DGKB: variants seen among roughly 807,000 people sequenced by gnomAD.
The protein encoded by DGKB is 90 kDa diacylglycerol kinase.
DGKB carries 67 observed loss-of-function variants against 114.3 expected under a neutral mutation model. That is an observed-to-expected ratio of 0.59 (90% CI 0.48 to 0.72). The LOEUF (loss-of-function observed/expected upper bound fraction) is 0.72, where lower values mean the gene tolerates loss of function less well. DGKB is among the 30% of genes least tolerant of loss of function. The pLI, the probability that DGKB is intolerant of heterozygous loss-of-function variation, is 0.00. For synonymous variants in DGKB, 398 were observed against 323.1 expected (o/e 1.23, Z -2.49); for missense variants, 907 against 975.2 (o/e 0.93, Z 0.93).
intron 2 of DGKB, among the ~76,000 whole-genome samples, chr7:14,826,811 A>G (rs1006065722): frequency 6.6e-6 from 1 of 152,180 alleles, no homozygotes; most frequent in Admixed American, 6.6e-5. Context: ...AATGTGACCT[A>G]TAATAATAAG....
At chr7:14,233,961 A>G (rs1469790241) in intron 23 of DGKB, among the ~76,000 whole-genome samples, 2 of 152,080 alleles carry the variant, frequency 1.3e-5, no homozygotes, top group East Asian at 3.9e-4. Flanking sequence ...CCTAAAGCTC[A>G]GAGTGAGAAG....
rs147889654 is a variant in DGKB, at chr7:14,767,820, C to T, written c.71-10089G>A. On this transcript the variant is annotated intron_variant, in intron 2 of 25. Transcript: ENST00000402815. ...TGTACATTAAAAATATTTAAACCCA[C>T]GCTAGTTCAGAAGATGACAACTTCA... 6.5e-4 allele frequency among the ~76,000 whole-genome samples: 99 copies of T among 151,980 alleles called. No individual in the cohort carries two copies. The South Asian group carries it at 8.5e-3, about 13-fold the overall frequency.
At position 14,397,517 on chromosome 7, in the gene DGKB, A is replaced by T. The variant is rs186844264; in HGVS notation, c.1836-52126T>A. Among the ~76,000 whole-genome samples, 6 of 152,152 alleles carry T rather than the reference A, an allele frequency of 3.9e-5. No homozygotes were observed. In the East Asian group the frequency reaches 1.2e-3, roughly 30 times the overall value. On this transcript the variant is annotated intron_variant, in intron 21 of 25. Transcript: ENST00000402815. ...AAAGATCACCTCTCTGAGAGTCTAG[A>T]ACTGCTGTGTCCTTCTAGTCAAAAA...
At chr7:14,255,891 A>C (rs1057350913) in intron 23 of DGKB, among the ~76,000 whole-genome samples, 2 of 152,218 alleles carry the variant, frequency 1.3e-5, no homozygotes, top group African/African-American at 4.8e-5. Flanking sequence ...CTGTCGCAGC[A>C]AAGATCACTG....
intron 23 of DGKB, among the ~76,000 whole-genome samples, chr7:14,321,866 T>G (rs1394649493): frequency 6.6e-6 from 1 of 152,066 alleles, no homozygotes; most frequent in Non-Finnish European, 1.5e-5. Context: ...TATAAACCAT[T>G]ATAAGAAACT....
chr7:14,762,128 G>A (rs1476146309), intron 2 of DGKB, among the ~76,000 whole-genome samples: 1 of 152,166 alleles, frequency 6.6e-6, no homozygotes, highest in Non-Finnish European at 1.5e-5. Flanking sequence ...ACAATGGGCT[G>A]TCTTTTTCAT....
chr7:14,300,306 T>G, intron 23 of DGKB, among the ~76,000 whole-genome samples: 1 of 152,098 alleles, frequency 6.6e-6, no homozygotes, highest in East Asian at 1.9e-4. Context: ...TCTGACTTTG[T>G]TTTTGTAGGG....
chr7:14,341,945 T>A (rs1291996085), intron 22 of DGKB, among the ~76,000 whole-genome samples: 1 of 151,822 alleles, frequency 6.6e-6, no homozygotes, highest in Non-Finnish European at 1.5e-5. Context: ...TATGTCTATA[T>A]CAGATAAGAA....
chr7:14,878,861 G>T (rs1421483902), intron 1 of DGKB, among the ~76,000 whole-genome samples: 4 of 148,016 alleles, frequency 2.7e-5, no homozygotes, highest in African/African-American at 1.0e-4. Context: ...TCCTTCTATT[G>T]AATCCATTGC....
rs969773431 is a variant in DGKB at position 14,304,639 on chromosome 7, T to C, written c.2122+33876A>G. 8.5e-5 allele frequency among the ~76,000 whole-genome samples: 13 copies of C among 152,174 alleles called. 1 individual carries two copies. Among genetic ancestry groups the C allele is most frequent in the Admixed American group, 1.3e-4 (2 of 15,246 alleles). On this transcript the variant is annotated intron_variant, in intron 23 of 25. Transcript: ENST00000402815. ...TGGTAGGTAAGCATTGCCGATTTAG[T>C]GTCCAGTAGCATGTTTACAGTTCAT...
At chr7:14,634,959 G>A (rs1047524449) in intron 13 of DGKB, among the ~76,000 whole-genome samples, 24 of 151,352 alleles carry the variant, frequency 1.6e-4, no homozygotes, top group Non-Finnish European at 3.0e-4. Context: ...TTTAGTAAGA[G>A]ATTATTTCAG....
chr7:14,472,309 C>A (rs1180891598), intron 21 of DGKB, among the ~76,000 whole-genome samples: 1 of 152,134 alleles, frequency 6.6e-6, no homozygotes. Flanking sequence ...ATAAGCCTCA[C>A]AAGATCGGAT....
intron 1 of DGKB, among the ~76,000 whole-genome samples, chr7:14,922,512 A>G (rs186705722): frequency 7.9e-5 from 12 of 151,800 alleles, no homozygotes; most frequent in Admixed American, 1.3e-4. Context: ...GATGGTGGGT[A>G]TGGAGATTGA....
chr7:14,704,380 G>A (rs1182803665), intron 6 of DGKB, among the ~76,000 whole-genome samples: 5 of 149,640 alleles, frequency 3.3e-5, no homozygotes, highest in African/African-American at 9.9e-5. Context: ...CCAGGGAGGC[G>A]GAGCTTGCAG....
chr7:14,300,027 A>T (rs139248686), intron 23 of DGKB, among the ~76,000 whole-genome samples: 2 of 152,112 alleles, frequency 1.3e-5, no homozygotes, highest in African/African-American at 2.4e-5. Context: ...TATAGCAACT[A>T]CTTCCAGACA....
chr7:14,270,073 AAAGAG>A (rs1328408454), intron 23 of DGKB, among the ~76,000 whole-genome samples: 12 of 149,212 alleles, frequency 8.0e-5, no homozygotes, highest in Non-Finnish European at 1.5e-4. Context: ...AAAAAAAAAA[AAAGAG>A]AGAGATTCCT....
intron 21 of DGKB, among the ~76,000 whole-genome samples, chr7:14,426,206 G>A (rs1338382649): frequency 1.3e-5 from 2 of 152,184 alleles, no homozygotes; most frequent in Non-Finnish European, 2.9e-5. Context: ...AGGCCTGGAA[G>A]ACAGTGGCTC....
intron 1 of DGKB, among the ~76,000 whole-genome samples, chr7:14,959,162 G>T (rs1786692122): frequency 6.7e-6 from 1 of 148,506 alleles, no homozygotes; most frequent in African/African-American, 2.4e-5. Flanking sequence ...TTTACCATTT[G>T]TTCAGTTATT....
At chr7:14,715,576 G>A (rs1250689640) in intron 6 of DGKB, among the ~76,000 whole-genome samples, 1 of 152,060 alleles carries the variant, frequency 6.6e-6, no homozygotes, top group Admixed American at 6.6e-5. Flanking sequence ...ACATCCAAGG[G>A]TAACAAACAC....
Sources: allele counts gnomAD v4.1 joint callset (sites outside exome capture counted in the v4.1 genomes callset), GRCh38; gene constraint gnomAD v4.1.1; transcripts MANE v1.5; gene names NCBI Gene and HGNC (gene_info 2026-07-23, HGNC 2026-07-21).